Variants in ASIC2 observed in about 807,000 individuals in gnomAD.
ASIC2 encodes the protein acid sensing ion channel subunit 2, also known as acid-sensing ion channel 2.
Under a neutral mutation model 57.3 loss-of-function variants are expected in ASIC2, and 25 were observed. That is an observed-to-expected ratio of 0.44 (90% confidence interval 0.32 to 0.61). The LOEUF is 0.61. Ranked by LOEUF, ASIC2 falls within the 20% of genes least tolerant of loss-of-function variation. The probability of loss-of-function intolerance (pLI) is 0.06; values close to 1 mark genes in which losing one functional copy is unlikely to be tolerated. For missense variants in ASIC2, 641 were observed against 738.1 expected (o/e 0.87, Z 1.52); for synonymous variants, 319 against 307.5 (o/e 1.04, Z -0.39).
chr17:33,310,700 A>G (rs887898132), intron 1 of ASIC2, among the ~76,000 whole-genome samples: 1 of 152,182 alleles, frequency 6.6e-6, no homozygotes, highest in Non-Finnish European at 1.5e-5. Flanking sequence ...AAGTACTCAT[A>G]TAGAGTCCAA....
intron 1 of ASIC2, among the ~76,000 whole-genome samples, chr17:33,897,671 T>A (rs909778541): frequency 5.3e-5 from 8 of 152,240 alleles, no homozygotes; most frequent in African/African-American, 9.6e-5. Flanking sequence ...CCTGGAAGGC[T>A]ACATACTATT....
chr17:33,809,437 C>T (rs1220261934), intron 1 of ASIC2, among the ~76,000 whole-genome samples: 2 of 152,228 alleles, frequency 1.3e-5, no homozygotes, highest in Non-Finnish European at 1.5e-5. Context: ...ATACCTGAAA[C>T]TTGCCCTGAG....
At chr17:33,920,689 T>G (rs547505664) in intron 1 of ASIC2, among the ~76,000 whole-genome samples, 2 of 152,348 alleles carry the variant, frequency 1.3e-5, no homozygotes, top group African/African-American at 4.8e-5. Context: ...AACCTGCACA[T>G]GTACCCCCTG....
intron 1 of ASIC2, among the ~76,000 whole-genome samples, chr17:33,371,907 A>G (rs1329357078): frequency 6.6e-6 from 1 of 152,140 alleles, no homozygotes; most frequent in African/African-American, 2.4e-5. Context: ...TTGTTTGTGC[A>G]GGGCATAGGA....
intron 1 of ASIC2, among the ~76,000 whole-genome samples, chr17:33,769,267 C>G (rs914566790): frequency 3.3e-5 from 5 of 152,224 alleles, no homozygotes; most frequent in African/African-American, 1.2e-4. Flanking sequence ...GGGCTTCAGG[C>G]TCACAGGCAC....
At chr17:33,080,495 T>C (rs1430288893) in intron 3 of ASIC2, among the ~76,000 whole-genome samples, 2 of 152,138 alleles carry the variant, frequency 1.3e-5, no homozygotes, top group African/African-American at 4.8e-5. Flanking sequence ...CACCAGTGGA[T>C]GCCTGAAACT....
chr17:33,740,723 T>C (rs1461806285), intron 1 of ASIC2, among the ~76,000 whole-genome samples: 1 of 152,176 alleles, frequency 6.6e-6, no homozygotes, highest in Non-Finnish European at 1.5e-5. Context: ...CTACACACAG[T>C]GCATTCCAAG....
chr17:33,044,989 A>T (rs2091947152), intron 3 of ASIC2, among the ~76,000 whole-genome samples: 2 of 152,164 alleles, frequency 1.3e-5, no homozygotes, highest in African/African-American at 4.8e-5. Flanking sequence ...CTGCATGTGC[A>T]GAGATACAGA....
At chr17:33,983,586 T>C (rs1567778404) in intron 1 of ASIC2, among the ~76,000 whole-genome samples, 1 of 152,324 alleles carries the variant, frequency 6.6e-6, no homozygotes, top group East Asian at 1.9e-4. Context: ...CTGGAATCCC[T>C]ATGGCCTCTG....
intron 1 of ASIC2, among the ~76,000 whole-genome samples, chr17:33,750,475 C>T (rs969470936): frequency 6.6e-6 from 1 of 152,042 alleles, no homozygotes; most frequent in Non-Finnish European, 1.5e-5. Flanking sequence ...TCGCTAGGAA[C>T]CTTTACATTC....
At chr17:33,977,361 G>A (rs1240139755) in intron 1 of ASIC2, among the ~76,000 whole-genome samples, 1 of 152,208 alleles carries the variant, frequency 6.6e-6, no homozygotes, top group Non-Finnish European at 1.5e-5. Context: ...ACCTCTGCCT[G>A]CATCGTGGCA....
chr17:33,125,830 C>T (rs778259309), intron 1 of ASIC2, among the ~76,000 whole-genome samples: 1 of 152,342 alleles, frequency 6.6e-6, no homozygotes. Context: ...TCAGTTCACC[C>T]TACAGCCTTA....
chr17:33,291,069 G>A (rs1431819524), intron 1 of ASIC2: 1 of 312,704 alleles, frequency 3.2e-6, no homozygotes, highest in African/African-American at 2.2e-5. Flanking sequence ...TTGGAGTCCT[G>A]AGGGCCTGGA....
upstream of ASIC2, among the ~76,000 whole-genome samples, chr17:33,294,029 A>G (rs573499701): frequency 1.3e-5 from 2 of 152,142 alleles, no homozygotes; most frequent in Admixed American, 1.3e-4. Flanking sequence ...GGGACATCCC[A>G]TGTGTGTCCC....
intron 1 of ASIC2, among the ~76,000 whole-genome samples, chr17:33,933,784 G>T (rs534789284): frequency 6.6e-6 from 1 of 152,336 alleles, no homozygotes; most frequent in Non-Finnish European, 1.5e-5. Context: ...CGGCATCACA[G>T]AATCCTTTGA....
intron 1 of ASIC2, among the ~76,000 whole-genome samples, chr17:33,391,383 T>A (rs1909882575): frequency 6.6e-6 from 1 of 152,220 alleles, no homozygotes; most frequent in Non-Finnish European, 1.5e-5. Context: ...AAAAACATCT[T>A]GGTCAAGCAT....
At chr17:33,579,437 G>C (rs1319381091) in intron 1 of ASIC2, among the ~76,000 whole-genome samples, 1 of 152,052 alleles carries the variant, frequency 6.6e-6, no homozygotes, top group African/African-American at 2.4e-5. Flanking sequence ...ATAGACTAGG[G>C]CTGCGGGGTA....
chr17:33,797,110 C>T (rs915334979), intron 1 of ASIC2, among the ~76,000 whole-genome samples: 13 of 152,126 alleles, frequency 8.5e-5, no homozygotes, highest in African/African-American at 3.1e-4. Context: ...TAGTTTCACC[C>T]CTGACGCAGT....
rs1200247035 is a variant in ASIC2, at chr17:33,917,913, CAG to C, written c.555+238063_555+238064del. ...GTGCACACACACACACACACACACA[CAG>C]GTACTGAATAACGTGAACTCTCATT... On this transcript the variant is annotated intron_variant, in intron 1 of 9. Transcript: ENST00000359872. Among the ~76,000 whole-genome samples, 8 of 149,514 alleles carry C rather than the reference CAG, an allele frequency of 5.4e-5. No individual in the cohort carries two copies. In the East Asian group the frequency reaches 1.0e-3, roughly 19 times the overall value.
Sources: gnomAD v4.1 joint callset for allele counts (sites outside exome capture counted in the v4.1 genomes callset) on GRCh38, gnomAD v4.1.1 for gene constraint, MANE v1.5 for transcripts, NCBI Gene and HGNC (gene_info 2026-07-23, HGNC 2026-07-21) for gene names.